EDIL3: variants seen among roughly 807,000 people sequenced by gnomAD.
EDIL3 encodes the protein EGF like and discoidin domains 3.
EDIL3 carries 37 observed loss-of-function variants against 67.4 expected under a neutral mutation model. The observed-to-expected ratio is 0.55, with a 90% CI of 0.42 to 0.72. EDIL3 has a LOEUF of 0.72. Among genes scored for constraint, EDIL3 ranks in the 30% least tolerant of loss-of-function variants. The pLI is 0.00. For synonymous variants in EDIL3, 195 were observed against 196.3 expected, an observed-to-expected ratio of 0.99 and a Z score of 0.05; for missense variants, 527 against 586.3, an observed-to-expected ratio of 0.90 and a Z score of 1.04.
chr5:84,313,015 C>T (rs966980133), intron 1 of EDIL3, among the ~76,000 whole-genome samples: 1 of 152,008 alleles, frequency 6.6e-6, no homozygotes, highest in Non-Finnish European at 1.5e-5. Flanking sequence ...GCATTCTGGT[C>T]CTGCCATAAA....
intron 9 of EDIL3, among the ~76,000 whole-genome samples, chr5:83,973,310 A>AGCATAAT (rs1229335217): frequency 6.6e-6 from 1 of 152,120 alleles, no homozygotes; most frequent in African/African-American, 2.4e-5. Context: ...TTGATCAAAG[A>AGCATAAT]GCATAATGAT....
At chr5:84,086,316 G>C (rs1747069498) in intron 6 of EDIL3, among the ~76,000 whole-genome samples, 1 of 152,200 alleles carries the variant, frequency 6.6e-6, no homozygotes, top group Admixed American at 6.5e-5. Context: ...GGAATCTCCT[G>C]ATCTGCGGAT....
At chr5:84,251,632 G>A (rs1024653955) in intron 2 of EDIL3, among the ~76,000 whole-genome samples, 4 of 152,040 alleles carry the variant, frequency 2.6e-5, no homozygotes, top group African/African-American at 9.7e-5. Flanking sequence ...AGGCAATAGG[G>A]TAATGTTTCT....
chr5:84,207,288 C>T (rs1412818812), intron 3 of EDIL3, among the ~76,000 whole-genome samples: 6 of 152,152 alleles, frequency 3.9e-5, no homozygotes, highest in Non-Finnish European at 8.8e-5. Flanking sequence ...AGTGAACTCC[C>T]ATTCACAATT....
At chr5:84,191,299 C>G (rs1446243195) in intron 3 of EDIL3, among the ~76,000 whole-genome samples, 2 of 151,794 alleles carry the variant, frequency 1.3e-5, no homozygotes, top group African/African-American at 4.9e-5. Context: ...GAAAGGATTT[C>G]TATTTTTACT....
At chr5:84,023,760 T>C (rs1171332307) in intron 9 of EDIL3, among the ~76,000 whole-genome samples, 1 of 152,042 alleles carries the variant, frequency 6.6e-6, no homozygotes, top group Non-Finnish European at 1.5e-5. Context: ...AGACTTTTCC[T>C]CTGCACTGTA....
intron 9 of EDIL3, among the ~76,000 whole-genome samples, chr5:83,963,655 G>GTTT (rs10708401): frequency 6.8e-5 from 9 of 133,120 alleles, no homozygotes; most frequent in Non-Finnish European, 9.7e-5. Flanking sequence ...ATTTGTGCAG[G>GTTT]TTTTTTTTTT....
chr5:84,153,614 C>T (rs1053867638), intron 4 of EDIL3, among the ~76,000 whole-genome samples: 1 of 152,210 alleles, frequency 6.6e-6, no homozygotes, highest in Non-Finnish European at 1.5e-5. Flanking sequence ...AGGCATCTGC[C>T]ACCATGCCCA....
intron 9 of EDIL3, among the ~76,000 whole-genome samples, chr5:84,057,937 T>G (rs994821307): frequency 6.6e-6 from 1 of 152,012 alleles, no homozygotes; most frequent in Non-Finnish European, 1.5e-5. Context: ...TCCAATACAG[T>G]AAGAAAATGG....
chr5:84,376,079 A>G (rs1017327331), intron 1 of EDIL3, among the ~76,000 whole-genome samples: 6 of 152,206 alleles, frequency 3.9e-5, no homozygotes, highest in African/African-American at 1.4e-4. Flanking sequence ...TTAAGAGGAC[A>G]AGCTCTAGAT....
chr5:83,944,396 CTTTTTTT>C (rs35919017), intron 10 of EDIL3, among the ~76,000 whole-genome samples: 1 of 117,118 alleles, frequency 8.5e-6, no homozygotes, highest in African/African-American at 3.1e-5. Flanking sequence ...TGTAAAAATG[CTTTTTTT>C]TTTTTTTTTT....
chr5:84,125,867 GT>G (rs143017384), intron 5 of EDIL3, among the ~76,000 whole-genome samples: 2,960 of 152,080 alleles, frequency 0.019, 109 homozygotes, highest in African/African-American at 0.068. Context: ...AAAAGGTTCG[GT>G]TGAATATGCT....
intron 6 of EDIL3, among the ~76,000 whole-genome samples, chr5:84,090,695 C>G (rs56372424): frequency 0.066 from 10,111 of 152,092 alleles, 469 homozygotes; most frequent in Middle Eastern, 0.13. Context: ...TGCCTGTTAT[C>G]CCAGCACTTT....
At chr5:84,046,095 T>C (rs146430898) in intron 9 of EDIL3, among the ~76,000 whole-genome samples, 2 of 152,348 alleles carry the variant, frequency 1.3e-5, no homozygotes, top group African/African-American at 4.8e-5. Context: ...AGAGTTTACA[T>C]TCCTATTTCC....
At chr5:84,110,527 T>C (rs994395856) in intron 5 of EDIL3, among the ~76,000 whole-genome samples, 1 of 152,234 alleles carries the variant, frequency 6.6e-6, no homozygotes, top group African/African-American at 2.4e-5. Flanking sequence ...TATGAAATGA[T>C]AATTGATGAA....
chr5:84,268,377 T>A lies in EDIL3; in HGVS notation c.68-14165A>T, dbSNP rs79602968. On this transcript the variant is annotated intron_variant, in intron 1 of 10. Coordinates refer to ENST00000296591, the MANE Select transcript of EDIL3 (RefSeq NM_005711.5). Reference sequence around the variant, plus strand: ...AACACCAGTCCTTTCTGAATCCATGTTATGCTTAGAAAAATAAGATTATAA... The same window carrying A: ...AACACCAGTCCTTTCTGAATCCATGATATGCTTAGAAAAATAAGATTATAA... 7.4e-4 allele frequency among the ~76,000 whole-genome samples: 112 copies of A among 152,286 alleles called. 1 individual carries two copies. In the East Asian group the frequency reaches 0.019, roughly 26 times the overall value.
At chr5:83,974,508 A>G (rs1458094666) in intron 9 of EDIL3, among the ~76,000 whole-genome samples, 2 of 152,134 alleles carry the variant, frequency 1.3e-5, no homozygotes, top group East Asian at 3.9e-4. Flanking sequence ...TTCAAAGATC[A>G]GAGTATACAT....
chr5:84,115,666 G>C (rs1311435815), intron 5 of EDIL3, among the ~76,000 whole-genome samples: 1 of 152,162 alleles, frequency 6.6e-6, no homozygotes, highest in African/African-American at 2.4e-5. Context: ...TAAAATGGAA[G>C]AGTATTTGGA....
intron 1 of EDIL3, among the ~76,000 whole-genome samples, chr5:84,297,086 GCAGGAGAATGGTGTGAAC>G (rs1322824822): frequency 3.3e-5 from 5 of 150,306 alleles, no homozygotes; most frequent in Admixed American, 1.3e-4. Flanking sequence ...GGAGGCTGAG[GCAGGAGAATGGTGTGAAC>G]CCAGGAGGCA....
Sources: allele counts gnomAD v4.1 joint callset (sites outside exome capture counted in the v4.1 genomes callset), GRCh38; gene constraint gnomAD v4.1.1; transcripts MANE v1.5; gene names NCBI Gene and HGNC (gene_info 2026-07-23, HGNC 2026-07-21).